The following ZNF365 variants were observed in gnomAD, a reference collection of about 807,000 sequenced individuals.
ZNF365 encodes the protein protein ZNF365.
A neutral mutation model predicts 35.0 loss-of-function variants in ZNF365; 22 were observed. The observed-to-expected ratio is 0.63, with a 90% CI of 0.45 to 0.90. The LOEUF (loss-of-function observed/expected upper bound fraction) is 0.90, where lower values mean the gene tolerates loss of function less well. ZNF365 is among the 40% of genes least tolerant of loss of function. The pLI is 0.00. For synonymous variants in ZNF365, 188 were observed against 196.2 expected, an observed-to-expected ratio of 0.96 and a Z score of 0.35; for missense variants, 448 against 500.3, an observed-to-expected ratio of 0.90 and a Z score of 1.00.
At position 62,400,378 on chromosome 10, in the gene ZNF365, T is replaced by C; in HGVS notation, c.*589T>C. The C allele has an allele frequency of 1.0e-6, 1 of 986,240 alleles. No homozygotes were observed. Among genetic ancestry groups the C allele is most frequent in the Non-Finnish European group, 1.2e-6 (1 of 830,106 alleles). The allele number at this position is 986,240 out of a possible 1,614,324, so 61.1% of individuals were successfully genotyped here. A position where few individuals can be genotyped will look rare whatever the true frequency, so the allele number is the denominator to read the frequency against. ...GACTCGTTCAGTCAGACTTCAGTTCTCATTCCGACAGGGTGTCTTTCAGTT... is the reference window on the plus strand; with the variant it reads ...GACTCGTTCAGTCAGACTTCAGTTCCCATTCCGACAGGGTGTCTTTCAGTT... On this transcript the variant is annotated 3_prime_UTR_variant, in exon 5 of 5. Transcript: ENST00000395254.
chr10:62,392,489 A>G (rs1839647532), intron 3 of ZNF365, among the ~76,000 whole-genome samples: 1 of 152,204 alleles, frequency 6.6e-6, no homozygotes, highest in Non-Finnish European at 1.5e-5. Context: ...CATTTGTTGA[A>G]TAGGGTGGCC....
intron 2 of ZNF365, among the ~76,000 whole-genome samples, chr10:62,385,222 GT>G (rs1307505593): frequency 6.6e-6 from 1 of 152,150 alleles, no homozygotes; most frequent in Admixed American, 6.5e-5. Flanking sequence ...TAGGTTAGCA[GT>G]TTGTGCCAGG....
At chr10:62,464,611 A>G (rs569958823) in intron 4 of ZNF365, among the ~76,000 whole-genome samples, 29 of 152,334 alleles carry the variant, frequency 1.9e-4, no homozygotes, top group African/African-American at 6.5e-4. Flanking sequence ...ACATCAATCC[A>G]TTTTAGCTTT....
At chr10:62,381,812 T>A (rs566600005) in intron 2 of ZNF365, among the ~76,000 whole-genome samples, 16 of 152,292 alleles carry the variant, frequency 1.1e-4, no homozygotes, top group Middle Eastern at 3.4e-3. Flanking sequence ...TGTGATTCCA[T>A]CTCTAATTTC....
chr10:62,433,835 G>C (rs1467735991), intron 3 of ZNF365, among the ~76,000 whole-genome samples: 1 of 152,184 alleles, frequency 6.6e-6, no homozygotes, highest in Non-Finnish European at 1.5e-5. Flanking sequence ...AAGGCGTTTT[G>C]GGGGTGCTTA....
chr10:62,414,325 ATGTAGCTAGGACC>A (rs1419427692), intron 3 of ZNF365, among the ~76,000 whole-genome samples: 1 of 151,678 alleles, frequency 6.6e-6, no homozygotes, highest in Non-Finnish European at 1.5e-5. Flanking sequence ...TCAGCCTCCC[ATGTAGCTAGGACC>A]ACAGTCATAC....
At chr10:62,390,774 A>G (rs1462393368) in intron 3 of ZNF365, among the ~76,000 whole-genome samples, 1 of 152,240 alleles carries the variant, frequency 6.6e-6, no homozygotes, top group Non-Finnish European at 1.5e-5. Flanking sequence ...CTCCCAGGCT[A>G]TAAACCTGTA....
In ZNF365 at chr10:62,400,004, T is replaced by C. The variant is rs1839800143; in HGVS notation, c.*215T>C. 7.5e-7 allele frequency: 1 copy of C among 1,325,494 alleles called. No individual in the cohort carries two copies. The highest frequency in any genetic ancestry group is 9.6e-7 in the Non-Finnish European group (1 of 1,040,614). 82.1% of individuals were successfully genotyped at this position (1,325,494 alleles called of 1,614,324 possible). ...TAACCCCCTTTTAGAAGCTTGCAAA[T>C]TACAGAAAGAATAAAAAAATTAAAT... On this transcript the variant is annotated 3_prime_UTR_variant, in exon 5 of 5. Coordinates refer to ENST00000395254, the MANE Select transcript of ZNF365 (RefSeq NM_014951.3).
intron 3 of ZNF365, among the ~76,000 whole-genome samples, chr10:62,451,401 G>T (rs928849944): frequency 6.6e-6 from 1 of 152,108 alleles, no homozygotes; most frequent in Non-Finnish European, 1.5e-5. Context: ...TGGCTTGGCA[G>T]CGACAAAAAG....
At chr10:62,471,365 CAAA>C (rs768258691) in intron 4 of ZNF365, among the ~76,000 whole-genome samples, 4 of 81,126 alleles carry the variant, frequency 4.9e-5, no homozygotes, top group Admixed American at 1.4e-4. Context: ...GACTCTGTCT[CAAA>C]AAAAAAAAAA....
intron 4 of ZNF365, among the ~76,000 whole-genome samples, chr10:62,471,568 T>A (rs1001697716): frequency 2.0e-5 from 3 of 152,182 alleles, no homozygotes; most frequent in Non-Finnish European, 4.4e-5. Context: ...ACTGCTATTT[T>A]AAAAATTTTA....
intron 4 of ZNF365, among the ~76,000 whole-genome samples, chr10:62,466,278 C>A (rs1414630309): frequency 1.3e-5 from 2 of 152,200 alleles, no homozygotes; most frequent in Non-Finnish European, 2.9e-5. Flanking sequence ...GACCCTGGTG[C>A]CTGCAGTGGC....
chr10:62,437,146 CATAG>C (rs1238370947), intron 3 of ZNF365, among the ~76,000 whole-genome samples: 7 of 152,106 alleles, frequency 4.6e-5, no homozygotes, highest in Admixed American at 3.9e-4. Flanking sequence ...AATCTATACC[CATAG>C]ATACAAATAT....
chr10:62,378,218 C>A (rs939098128), intron 2 of ZNF365, among the ~76,000 whole-genome samples: 1 of 152,140 alleles, frequency 6.6e-6, no homozygotes, highest in Non-Finnish European at 1.5e-5. Flanking sequence ...ACCAGAGTGA[C>A]CCGCACTGTG....
intron 3 of ZNF365, among the ~76,000 whole-genome samples, chr10:62,455,536 G>C (rs775647081): frequency 6.6e-6 from 1 of 151,744 alleles, no homozygotes; most frequent in Non-Finnish European, 1.5e-5. Flanking sequence ...TGAGATATAT[G>C]TATATGTACA....
chr10:62,463,218 G>A (rs552225660), intron 4 of ZNF365, among the ~76,000 whole-genome samples: 13 of 152,312 alleles, frequency 8.5e-5, no homozygotes, highest in Non-Finnish European at 1.6e-4. Context: ...GCAGGCAGCC[G>A]CCTACTTCCC....
chr10:62,459,513 G>A (rs1840812923), intron 3 of ZNF365, among the ~76,000 whole-genome samples: 2 of 152,212 alleles, frequency 1.3e-5, no homozygotes, highest in Admixed American at 1.3e-4. Context: ...AGTGGTGTAT[G>A]ATTTTTAATA....
At position 62,400,639 on chromosome 10, in the gene ZNF365, G is replaced by A. The variant is rs1037568842; in HGVS notation, c.*850G>A. ...GGAATGACAGTGGACTGCACGCTTG[G>A]TGCATCGTGCATCGTGACCATCCTG... On this transcript the variant is annotated 3_prime_UTR_variant, in exon 5 of 5. Transcript: ENST00000395254. The A allele has an allele frequency of 9.1e-6, 9 of 985,584 alleles. No homozygotes were observed. Among genetic ancestry groups the A allele is most frequent in the Non-Finnish European group, 1.1e-5 (9 of 829,968 alleles). The allele number at this position is 985,584 out of a possible 1,614,324, so 61.1% of individuals were successfully genotyped here. A position where few individuals can be genotyped will look rare whatever the true frequency, so the allele number is the denominator to read the frequency against.
chr10:62,437,049 A>G (rs1840418654), intron 3 of ZNF365, among the ~76,000 whole-genome samples: 1 of 152,194 alleles, frequency 6.6e-6, no homozygotes, highest in South Asian at 2.1e-4. Context: ...TACCACATTT[A>G]AATGTATGTA....
Sources: gnomAD v4.1 joint callset for allele counts (sites outside exome capture counted in the v4.1 genomes callset) on GRCh38, gnomAD v4.1.1 for gene constraint, MANE v1.5 for transcripts, NCBI Gene and HGNC (gene_info 2026-07-23, HGNC 2026-07-21) for gene names.